TUSC3: variants seen among roughly 807,000 people sequenced by gnomAD.
TUSC3 encodes tumor suppressor candidate 3, also known as dolichyl-diphosphooligosaccharide--protein glycosyltransferase subunit TUSC3.
TUSC3 carries 45 observed loss-of-function variants against 44.8 expected under a neutral mutation model. The ratio of observed to expected loss-of-function variants is 1.00; its 90% CI spans 0.79 to 1.29. The LOEUF (loss-of-function observed/expected upper bound fraction) is 1.29, where lower values mean the gene tolerates loss of function less well. Ranked by LOEUF, TUSC3 falls within the 50% of genes most tolerant of loss-of-function variation. The probability of loss-of-function intolerance (pLI) is 0.00; values close to 1 mark genes in which losing one functional copy is unlikely to be tolerated. For missense variants in TUSC3, 519 were observed against 437.9 expected (o/e 1.19, Z -1.65); for synonymous variants, 212 against 152.9 (o/e 1.39, Z -2.85).
chr8:15,600,962 A>G (rs1804262733), intron 1 of TUSC3, among the ~76,000 whole-genome samples: 3 of 151,640 alleles, frequency 2.0e-5, no homozygotes, highest in Admixed American at 2.0e-4. Context: ...AATACTTTGT[A>G]TTTAGTTAAA....
the TUSC3 span, among the ~76,000 whole-genome samples, chr8:15,847,796 A>G: frequency 1.3e-5 from 2 of 152,100 alleles, no homozygotes; most frequent in Non-Finnish European, 2.9e-5. Flanking sequence ...CCATCTTTGT[A>G]CCCCTGTATC....
intron 6 of TUSC3, among the ~76,000 whole-genome samples, chr8:15,690,742 C>A (rs1808862778): frequency 6.6e-6 from 1 of 152,024 alleles, no homozygotes; most frequent in Admixed American, 6.6e-5. Flanking sequence ...CCCAGCACCC[C>A]TTACTGAATA....
In TUSC3 at chr8:15,764,632, C is replaced by T. The variant is rs768637327; in HGVS notation, c.*476C>T. 5.5e-6 allele frequency: 1 copy of T among 182,908 alleles called. No homozygotes were observed. Among genetic ancestry groups the T allele is most frequent in the Non-Finnish European group, 1.2e-5 (1 of 86,588 alleles). The allele number at this position is 182,908 out of a possible 1,614,324, so 11.3% of individuals were successfully genotyped here. On this transcript the variant is annotated 3_prime_UTR_variant, in exon 11 of 11. Transcript: ENST00000503731. ...TGTCATGTACTGAAAATTAAACTTACTTCAGTTTCAGTTATAAAGGACGTG... is the reference window on the plus strand; with the variant it reads ...TGTCATGTACTGAAAATTAAACTTATTTCAGTTTCAGTTATAAAGGACGTG...
chr8:15,719,137 C>G (rs180767851), intron 6 of TUSC3, among the ~76,000 whole-genome samples: 4 of 152,178 alleles, frequency 2.6e-5, no homozygotes, highest in Admixed American at 2.6e-4. Context: ...TGACATAGTT[C>G]ATGTCACTCT....
chr8:15,716,630 A>G (rs1204424915), intron 6 of TUSC3, among the ~76,000 whole-genome samples: 1 of 152,158 alleles, frequency 6.6e-6, no homozygotes, highest in East Asian at 1.9e-4. Context: ...AAATATTTTA[A>G]TTATATGCTA....
At chr8:15,436,379 T>G (rs1339558253) in intron 1 of TUSC3, among the ~76,000 whole-genome samples, 1 of 152,198 alleles carries the variant, frequency 6.6e-6, no homozygotes, top group Non-Finnish European at 1.5e-5. Flanking sequence ...TCTTTTTAAA[T>G]GTAACCTGCC....
the TUSC3 span, among the ~76,000 whole-genome samples, chr8:15,846,162 G>A: frequency 2.0e-5 from 3 of 152,128 alleles, no homozygotes; most frequent in Non-Finnish European, 4.4e-5. Flanking sequence ...AATTCCAGTT[G>A]AGATTTGAAT....
Position 15,540,564 on chromosome 8 carries a change from AG to A in TUSC3, c.136del (p.Glu46ArgfsTer4). On this transcript the variant is annotated frameshift_variant, in exon 1 of 11. Coordinates refer to ENST00000503731, the MANE Select transcript of TUSC3 (RefSeq NM_006765.4). LOFTEE classifies it high-confidence loss of function. ...CIQLGGGQKKKENLLAEKVEQ... is the reference protein window; with the variant it reads ...CIQLGGGQKKXENLLAEKVEQ... ...CAGCTCGGGGGAGGACAGAAGAAAA[AG>A]GAGGTAGAATGGATCCCCTTGGCCT... 1 of 1,583,992 alleles carries A rather than the reference AG, an allele frequency of 6.3e-7. No homozygotes were observed. Among genetic ancestry groups the A allele is most frequent in the Non-Finnish European group, 8.6e-7 (1 of 1,165,706 alleles).
At chr8:15,522,935 G>T (rs1237983606) in intron 2 of TUSC3, among the ~76,000 whole-genome samples, 4 of 152,196 alleles carry the variant, frequency 2.6e-5, no homozygotes, top group African/African-American at 9.7e-5. Flanking sequence ...GAGAGGCGCA[G>T]TGGGAGTAAA....
chr8:15,696,708 G>C (rs1330113793), intron 6 of TUSC3, among the ~76,000 whole-genome samples: 1 of 152,256 alleles, frequency 6.6e-6, no homozygotes, highest in African/African-American at 2.4e-5. Flanking sequence ...ATCTTGTTAA[G>C]GATTTTAGCA....
At chr8:15,684,510 T>G (rs989284424) in intron 6 of TUSC3, among the ~76,000 whole-genome samples, 3 of 152,156 alleles carry the variant, frequency 2.0e-5, no homozygotes, top group African/African-American at 7.2e-5. Flanking sequence ...CCGGCTAAGC[T>G]TGTCGTAAGC....
the TUSC3 span, among the ~76,000 whole-genome samples, chr8:15,790,424 C>G: frequency 6.6e-6 from 1 of 152,140 alleles, no homozygotes; most frequent in East Asian, 1.9e-4. Flanking sequence ...ACCTCATGAT[C>G]CACTTGCCTT....
At chr8:15,656,325 A>G (rs1585199092) in intron 3 of TUSC3, among the ~76,000 whole-genome samples, 1 of 152,104 alleles carries the variant, frequency 6.6e-6, no homozygotes, top group Non-Finnish European at 1.5e-5. Flanking sequence ...TCCTGAGGCA[A>G]ATTCCCCTCC....
intron 2 of TUSC3, among the ~76,000 whole-genome samples, chr8:15,523,662 ATATGTGTGTGTGTGTGTGTG>A (rs1801331012): frequency 2.7e-4 from 6 of 21,894 alleles, no homozygotes; most frequent in African/African-American, 1.1e-3. Flanking sequence ...ATATATATAT[ATATGTGTGTGTGTGTGTGTG>A]TGTGTGTGTG....
chr8:15,589,373 A>G (rs995345099), intron 1 of TUSC3, among the ~76,000 whole-genome samples: 2 of 152,182 alleles, frequency 1.3e-5, no homozygotes, highest in Non-Finnish European at 2.9e-5. Flanking sequence ...TTAAAGTTGG[A>G]GAAGCACTGT....
intron 1 of TUSC3, among the ~76,000 whole-genome samples, chr8:15,614,607 G>A (rs2129160449): frequency 1.3e-5 from 2 of 152,156 alleles, no homozygotes; most frequent in South Asian, 2.1e-4. Context: ...TATCCATGTC[G>A]TGGCAGTTAC....
intron 6 of TUSC3, among the ~76,000 whole-genome samples, chr8:15,682,597 G>T (rs1370613713): frequency 6.6e-6 from 1 of 151,990 alleles, no homozygotes; most frequent in African/African-American, 2.4e-5. Context: ...TTTTAATGCA[G>T]TTTTCCCCTG....
chr8:15,468,230 G>A (rs963116285), intron 1 of TUSC3, among the ~76,000 whole-genome samples: 3 of 152,162 alleles, frequency 2.0e-5, no homozygotes, highest in African/African-American at 4.8e-5. Context: ...GAGGACAGAT[G>A]CCCTGGTGGA....
intron 8 of TUSC3, 97 bp from the exon 9 acceptor site, chr8:15,748,278 G>GT: frequency 1.1e-6 from 1 of 919,066 alleles, no homozygotes; most frequent in Non-Finnish European, 1.8e-6. Context: ...ACTGTTAAAT[G>GT]TAAGTATACT....
Sources: gnomAD v4.1 joint callset for allele counts (sites outside exome capture counted in the v4.1 genomes callset) on GRCh38, gnomAD v4.1.1 for gene constraint, MANE v1.5 for transcripts, NCBI Gene and HGNC (gene_info 2026-07-23, HGNC 2026-07-21) for gene names.